Variants in SLC30A6 observed in about 807,000 individuals in gnomAD.
SLC30A6 encodes the protein zinc transporter 6.
Under a neutral mutation model 63.0 loss-of-function variants are expected in SLC30A6, and 55 were observed. The ratio of observed to expected loss-of-function variants is 0.87; its 90% CI spans 0.70 to 1.09. SLC30A6 has a LOEUF of 1.09. SLC30A6 is among the 50% of genes least tolerant of loss of function. The probability of loss-of-function intolerance (pLI) is 0.00; values close to 1 mark genes in which losing one functional copy is unlikely to be tolerated. For missense variants in SLC30A6, 587 were observed against 549.2 expected, an observed-to-expected ratio of 1.07 and a Z score of -0.69; for synonymous variants, 224 against 186.1, an observed-to-expected ratio of 1.20 and a Z score of -1.66.
At chr2:32,171,702 T>A (rs991506631) in intron 2 of SLC30A6, among the ~76,000 whole-genome samples, 3 of 152,004 alleles carry the variant, frequency 2.0e-5, no homozygotes, top group Non-Finnish European at 4.4e-5. Context: ...ATTTATTTTT[T>A]TTTTTTTGAG....
intron 10 of SLC30A6, among the ~76,000 whole-genome samples, chr2:32,200,801 C>T: frequency 6.6e-6 from 1 of 151,384 alleles, no homozygotes; most frequent in Non-Finnish European, 1.5e-5. Context: ...CCAAGTCCCC[C>T]TCTGCGAGAA....
At position 32,224,319 on chromosome 2, in the gene SLC30A6, C is replaced by T. The variant is rs1054632941; in HGVS notation, c.*3606C>T. On this transcript the variant is annotated 3_prime_UTR_variant, in exon 14 of 14. Coordinates refer to ENST00000282587, the MANE Select transcript of SLC30A6 (RefSeq NM_017964.5). ...GGCGCCGATAATCCTAGTAGGAGAG[C>T]TAAGACACAAAACTGTTGCATGTTT... 2 of 581,582 alleles carry T rather than the reference C, an allele frequency of 3.4e-6. No homozygotes were observed. The highest frequency in any genetic ancestry group is 2.9e-5 in the East Asian group (1 of 34,956). 36.0% of individuals were successfully genotyped at this position (581,582 alleles called of 1,614,324 possible).
chr2:32,172,334 C>T (rs746310167), intron 2 of SLC30A6, among the ~76,000 whole-genome samples: 2 of 152,232 alleles, frequency 1.3e-5, no homozygotes, highest in African/African-American at 2.4e-5. Flanking sequence ...CATTTGCTTC[C>T]TTATCCAACT....
chr2:32,202,356 T>A (rs1332956127), intron 10 of SLC30A6: 1 of 348,414 alleles, frequency 2.9e-6, no homozygotes, highest in Non-Finnish European at 5.5e-6. Flanking sequence ...TGTTTGTTTG[T>A]TTTTTGAGAC....
intron 13 of SLC30A6, among the ~76,000 whole-genome samples, chr2:32,217,150 G>A (rs889890076): frequency 1.4e-4 from 22 of 151,736 alleles, no homozygotes; most frequent in African/African-American, 2.4e-5. Flanking sequence ...TGCCTACCTC[G>A]GCCACCCAAA....
chr2:32,200,406 T>C (rs1172530723), intron 10 of SLC30A6, among the ~76,000 whole-genome samples: 9 of 151,704 alleles, frequency 5.9e-5, no homozygotes, highest in Non-Finnish European at 7.4e-5. Context: ...TTTTGTGGAA[T>C]AGAAAAGGGG....
At chr2:32,165,985 C>G in intron 1 of SLC30A6, 82 bp downstream of exon 1, 3 of 1,597,922 alleles carry the variant, frequency 1.9e-6, no homozygotes, top group Non-Finnish European at 2.6e-6. Context: ...CTTGAAATCC[C>G]TCAGCCACCC....
chr2:32,170,973 A>C (rs988841897), intron 1 of SLC30A6, among the ~76,000 whole-genome samples: 1 of 152,174 alleles, frequency 6.6e-6, no homozygotes, highest in Non-Finnish European at 1.5e-5. Context: ...TTTCTTTTTC[A>C]GTTCAAGTTG....
At position 32,220,422 on chromosome 2, in the gene SLC30A6, G is replaced by C; in HGVS notation, c.1095G>C (p.Lys365Asn). 1 of 1,614,160 alleles carries C rather than the reference G, an allele frequency of 6.2e-7. No homozygotes were observed. The highest frequency in any genetic ancestry group is 8.5e-7 in the Non-Finnish European group (1 of 1,180,036). ...DHHVIPMPLLKGTDDLNPVTS... is the reference protein window; with the variant it reads ...DHHVIPMPLLNGTDDLNPVTS... ...ACGTAATCCCAATGCCTCTTTTAAA[G>C]GGTACTGATGATTTGAACCCAGTTA... The change falls in exon 14 of 14, where the codon AAG becomes AAC. Residue 365 changes from lysine to asparagine, a missense_variant. By Grantham distance (94) the Lys-to-Asn change is moderately conservative. Coordinates refer to ENST00000282587, the MANE Select transcript of SLC30A6 (RefSeq NM_017964.5).
chr2:32,192,559 T>C lies in SLC30A6; in HGVS notation c.365+143T>C, dbSNP rs536549638. 4.9e-4 allele frequency: 316 copies of C among 644,720 alleles called. No individual in the cohort carries two copies. In the African/African-American group the frequency reaches 5.4e-3, roughly 11 times the overall value. The allele number at this position is 644,720 out of a possible 1,614,324, so 39.9% of individuals were successfully genotyped here. On this transcript the variant is annotated intron_variant, in intron 6 of 13. Coordinates refer to ENST00000282587, the MANE Select transcript of SLC30A6 (RefSeq NM_017964.5). ...GTTTTGATAGTACACTTTCTTTATG[T>C]TTCAGACTTTTTCTTCTGTTTCATT...
chr2:32,184,481 T>A (rs1252457644), intron 5 of SLC30A6, 143 bp downstream of exon 5: 3 of 443,002 alleles, frequency 6.8e-6, no homozygotes, highest in African/African-American at 4.1e-5. Context: ...TGAAAATAGA[T>A]AGGCTGGGCA....
At chr2:32,213,604 C>G (rs1685440602) in intron 13 of SLC30A6, among the ~76,000 whole-genome samples, 1 of 152,028 alleles carries the variant, frequency 6.6e-6, no homozygotes, top group South Asian at 2.1e-4. Context: ...AGGTTACTTT[C>G]TTTGTTTTAA....
intron 10 of SLC30A6, among the ~76,000 whole-genome samples, chr2:32,198,933 A>G (rs1483264681): frequency 6.6e-6 from 1 of 152,162 alleles, no homozygotes; most frequent in African/African-American, 2.4e-5. Flanking sequence ...ATCCATCTCC[A>G]GAACCTTTTT....
chr2:32,216,599 G>A (rs904426524), intron 13 of SLC30A6, among the ~76,000 whole-genome samples: 13 of 151,010 alleles, frequency 8.6e-5, no homozygotes, highest in African/African-American at 3.2e-4. Context: ...AATGATAGTA[G>A]CCATTCTGAG....
At chr2:32,207,692 ATTTTT>A (rs34666891) in intron 12 of SLC30A6, among the ~76,000 whole-genome samples, 15 of 54,436 alleles carry the variant, frequency 2.8e-4, no homozygotes, top group African/African-American at 1.0e-3. Flanking sequence ...TAACTTCTGT[ATTTTT>A]TTTTTTTTTT....
intron 10 of SLC30A6, among the ~76,000 whole-genome samples, chr2:32,198,446 A>G (rs956719647): frequency 6.6e-6 from 1 of 152,122 alleles, no homozygotes; most frequent in Non-Finnish European, 1.5e-5. Context: ...TGTCTACTTT[A>G]ACTGAACCTA....
intron 8 of SLC30A6, among the ~76,000 whole-genome samples, chr2:32,194,609 T>C (rs1046987892): frequency 4.6e-5 from 7 of 152,132 alleles, no homozygotes; most frequent in Non-Finnish European, 1.0e-4. Context: ...GAGGTGAAAA[T>C]AGAAGTGGGA....
At chr2:32,194,071 T>C in intron 8 of SLC30A6, 88 bp downstream of exon 8, 2 of 1,037,684 alleles carry the variant, frequency 1.9e-6, no homozygotes, top group Non-Finnish European at 2.8e-6. Context: ...CTCAGATCAA[T>C]GAAGAAGTAT....
Position 32,178,849 on chromosome 2 carries a change from A to G in SLC30A6, c.218+3488A>G, listed in dbSNP as rs543806869. 4.6e-5 allele frequency among the ~76,000 whole-genome samples: 7 copies of G among 152,214 alleles called. No individual in the cohort carries two copies. In the East Asian group the frequency reaches 1.3e-3, roughly 29 times the overall value. On this transcript the variant is annotated intron_variant, in intron 4 of 13. Transcript: ENST00000282587. Reference sequence around the variant, plus strand: ...TGAAATTGGAAAGTGTGGATATTCCAGCTTTGTTCTTTTTCAAGATTGTTT... The same window carrying G: ...TGAAATTGGAAAGTGTGGATATTCCGGCTTTGTTCTTTTTCAAGATTGTTT...
Sources: gnomAD v4.1 joint callset for allele counts (sites outside exome capture counted in the v4.1 genomes callset) on GRCh38, gnomAD v4.1.1 for gene constraint, MANE v1.5 for transcripts, NCBI Gene and HGNC (gene_info 2026-07-23, HGNC 2026-07-21) for gene names.